TRHDE: variants seen among roughly 807,000 people sequenced by gnomAD.
TRHDE encodes the protein thyrotropin releasing hormone degrading enzyme.
In TRHDE, 72 loss-of-function variants were observed where a neutral mutation model predicts 125.7. The ratio of observed to expected loss-of-function variants is 0.57; its 90% CI spans 0.47 to 0.70. The LOEUF (loss-of-function observed/expected upper bound fraction) is 0.70, where lower values mean the gene tolerates loss of function less well. TRHDE is among the 30% of genes least tolerant of loss of function. The probability of loss-of-function intolerance (pLI) is 0.00; values close to 1 mark genes in which losing one functional copy is unlikely to be tolerated. For synonymous variants in TRHDE, 509 were observed against 509.1 expected, an observed-to-expected ratio of 1.00 and a Z score of 0.00; for missense variants, 1,110 against 1,327.1, an observed-to-expected ratio of 0.84 and a Z score of 2.54.
chr12:72,168,628 A>G (rs1005756281), intron 2 of TRHDE, among the ~76,000 whole-genome samples: 1 of 152,148 alleles, frequency 6.6e-6, no homozygotes, highest in Non-Finnish European at 1.5e-5. Flanking sequence ...GGATCCTGTT[A>G]TGTTTTGACT....
intron 2 of TRHDE, among the ~76,000 whole-genome samples, chr12:72,177,663 A>C (rs983446146): frequency 6.6e-6 from 1 of 152,092 alleles, no homozygotes; most frequent in African/African-American, 2.4e-5. Context: ...GGGCTTAGAC[A>C]ATAAAACTAT....
chr12:72,407,290 G>A (rs569751576), intron 3 of TRHDE, among the ~76,000 whole-genome samples: 3 of 152,314 alleles, frequency 2.0e-5, no homozygotes, highest in Non-Finnish European at 1.5e-5. Flanking sequence ...GTTGAACTGA[G>A]GTCTGACTCC....
intron 3 of TRHDE, among the ~76,000 whole-genome samples, chr12:72,441,553 C>G (rs1168152711): frequency 6.6e-6 from 1 of 151,778 alleles, no homozygotes; most frequent in Non-Finnish European, 1.5e-5. Context: ...ATACAGCTTC[C>G]TTTTAATCCT....
chr12:72,589,110 T>C (rs1014749963), intron 12 of TRHDE, among the ~76,000 whole-genome samples: 15 of 152,078 alleles, frequency 9.9e-5, no homozygotes, highest in Non-Finnish European at 1.8e-4. Context: ...CGATATCACC[T>C]GGTAAGGATC....
intron 2 of TRHDE, among the ~76,000 whole-genome samples, chr12:72,374,400 C>G (rs1387161774): frequency 6.6e-6 from 1 of 150,894 alleles, no homozygotes. Context: ...GTAGAAATGT[C>G]AGGTGGACAG....
At chr12:72,644,689 G>C (rs1048956015) in intron 15 of TRHDE, among the ~76,000 whole-genome samples, 11 of 152,230 alleles carry the variant, frequency 7.2e-5, no homozygotes, top group African/African-American at 2.4e-4. Context: ...CTACTGCTCA[G>C]CACAGAGCAA....
chr12:72,233,143 G>A (rs934152621), intron 2 of TRHDE, among the ~76,000 whole-genome samples: 11 of 152,250 alleles, frequency 7.2e-5, no homozygotes, highest in African/African-American at 2.6e-4. Flanking sequence ...ATAACATTCT[G>A]TTATACACAC....
At chr12:72,388,069 C>G (rs1310806510) in intron 3 of TRHDE, among the ~76,000 whole-genome samples, 1 of 152,014 alleles carries the variant, frequency 6.6e-6, no homozygotes, top group Non-Finnish European at 1.5e-5. Context: ...CCCTCCTACT[C>G]CTCTCTGTTT....
At chr12:72,382,024 A>G (rs1228530513) in intron 3 of TRHDE, among the ~76,000 whole-genome samples, 1 of 152,218 alleles carries the variant, frequency 6.6e-6, no homozygotes, top group Non-Finnish European at 1.5e-5. Context: ...GAAGGCAGAT[A>G]GAAACAAAAC....
At chr12:72,215,423 G>A (rs1037591016) in intron 2 of TRHDE, among the ~76,000 whole-genome samples, 9 of 152,198 alleles carry the variant, frequency 5.9e-5, no homozygotes, top group African/African-American at 9.6e-5. Context: ...CACAGGGGAT[G>A]CGATGGCTTG....
At chr12:72,233,828 C>CT (rs1361813652) in intron 2 of TRHDE, among the ~76,000 whole-genome samples, 1 of 152,108 alleles carries the variant, frequency 6.6e-6, no homozygotes, top group Non-Finnish European at 1.5e-5. Flanking sequence ...CAAGATTCCA[C>CT]TTTTTTCCCA....
chr12:72,131,639 T>C (rs1199002262), intron 2 of TRHDE, among the ~76,000 whole-genome samples: 1 of 152,186 alleles, frequency 6.6e-6, no homozygotes, highest in Non-Finnish European at 1.5e-5. Context: ...GATCCTCAAA[T>C]ATCGGTTATT....
At chr12:72,593,009 C>T (rs562986051) in intron 12 of TRHDE, among the ~76,000 whole-genome samples, 3 of 151,972 alleles carry the variant, frequency 2.0e-5, no homozygotes, top group East Asian at 1.9e-4. Flanking sequence ...CACCGCGCCC[C>T]GCTGGTGAAA....
intron 2 of TRHDE, among the ~76,000 whole-genome samples, chr12:72,227,396 C>T (rs1454399526): frequency 2.0e-5 from 3 of 152,070 alleles, no homozygotes; most frequent in Non-Finnish European, 4.4e-5. Flanking sequence ...ATAAAACCAT[C>T]AATCTCATGA....
chr12:72,411,852 A>G (rs1013983713), intron 3 of TRHDE, among the ~76,000 whole-genome samples: 2 of 152,180 alleles, frequency 1.3e-5, no homozygotes, highest in African/African-American at 4.8e-5. Flanking sequence ...TGAGCAGTGG[A>G]AGAGATAACT....
rs78524852 is a variant in TRHDE, at chr12:72,536,281, A to G, written c.1723-6010A>G. ...GGACTTCTGCACTAAAAATGGAGCTACTAGGTTAGTCCAGATTTTCTAAGA... is the reference window on the plus strand; with the variant it reads ...GGACTTCTGCACTAAAAATGGAGCTGCTAGGTTAGTCCAGATTTTCTAAGA... On this transcript the variant is annotated intron_variant, in intron 6 of 18. Transcript: ENST00000261180. Among the ~76,000 whole-genome samples the G allele has an allele frequency of 2.2e-3, 340 of 152,268 alleles. 2 individuals are homozygous for G. Among genetic ancestry groups the G allele is most frequent in the African/African-American group, 7.6e-3 (317 of 41,570 alleles).
At chr12:72,510,361 A>T (rs1426748247) in intron 6 of TRHDE, among the ~76,000 whole-genome samples, 1 of 152,212 alleles carries the variant, frequency 6.6e-6, no homozygotes, top group Non-Finnish European at 1.5e-5. Context: ...GTTGGACAAT[A>T]GGCTTTTAGT....
At chr12:72,120,219 T>G (rs1349456658) in intron 2 of TRHDE, among the ~76,000 whole-genome samples, 2 of 151,946 alleles carry the variant, frequency 1.3e-5, no homozygotes, top group Non-Finnish European at 2.9e-5. Context: ...CCTGGTTAAT[T>G]TTTGTATTTT....
At chr12:72,443,528 A>G (rs368867516) in intron 3 of TRHDE, among the ~76,000 whole-genome samples, 1 of 151,812 alleles carries the variant, frequency 6.6e-6, no homozygotes, top group Non-Finnish European at 1.5e-5. Context: ...GGGTATAAAC[A>G]TAACAATGGT....
Sources: allele counts gnomAD v4.1 joint callset (sites outside exome capture counted in the v4.1 genomes callset), GRCh38; gene constraint gnomAD v4.1.1; transcripts MANE v1.5; gene names NCBI Gene and HGNC (gene_info 2026-07-23, HGNC 2026-07-21).